Variants in ZBTB14 observed in about 807,000 individuals in gnomAD.
ZBTB14 encodes zinc finger and BTB domain containing 14, also known as zinc finger and BTB domain-containing protein 14.
In ZBTB14, 8 loss-of-function variants were observed where a neutral mutation model predicts 29.5. The ratio of observed to expected loss-of-function variants is 0.27; its 90% CI spans 0.16 to 0.49. ZBTB14 has a LOEUF of 0.49. Among genes scored for constraint, ZBTB14 ranks in the 20% least tolerant of loss-of-function variants. The probability of loss-of-function intolerance (pLI) is 0.99; values close to 1 mark genes in which losing one functional copy is unlikely to be tolerated. For missense variants in ZBTB14, 333 were observed against 563.8 expected, an observed-to-expected ratio of 0.59 and a Z score of 4.15; for synonymous variants, 226 against 207.2, an observed-to-expected ratio of 1.09 and a Z score of -0.78.
upstream of ZBTB14, among the ~76,000 whole-genome samples, chr18:5,296,383 T>C (rs1281291171): frequency 6.7e-6 from 1 of 150,032 alleles, no homozygotes; most frequent in Non-Finnish European, 1.5e-5. Flanking sequence ...CCCTGGTTCG[T>C]GGGCTTCCGC....
At position 5,295,185 on chromosome 18, in the gene ZBTB14, C is replaced by CCCGCG. The variant is rs559844076; in HGVS notation, c.-112+462_-112+466dup. On this transcript the variant is annotated intron_variant, in intron 1 of 3. Coordinates refer to ENST00000651870, the MANE Select transcript of ZBTB14 (RefSeq NM_001243702.2). ...GCGGGCGTGCGGCCGGCTCCGCAGC[C>CCCGCG]CCGCGCCGCGCCGCGCCCCGCTCCG... is the stretch of plus-strand genomic sequence containing the variant. Among the ~76,000 whole-genome samples, 1,020 of 144,792 alleles carry CCCGCG rather than the reference C, an allele frequency of 7.0e-3. 11 individuals carry two copies. Among genetic ancestry groups the CCCGCG allele is most frequent in the Middle Eastern group, 0.047 (13 of 276 alleles). 95.0% of individuals were successfully genotyped at this position (144,792 alleles called of 152,430 possible). A position where few individuals can be genotyped will look rare whatever the true frequency, so the allele number is the denominator to read the frequency against.
At chr18:5,294,582 C>T (rs924782824) in intron 1 of ZBTB14, among the ~76,000 whole-genome samples, 3 of 152,066 alleles carry the variant, frequency 2.0e-5, no homozygotes, top group Non-Finnish European at 4.4e-5. Context: ...CCCCGCCCCG[C>T]CCCCCTTGCC....
chr18:5,293,294 GA>G lies in ZBTB14; in HGVS notation c.-49del, dbSNP rs1567907986. 1 of 1,610,780 alleles carries G rather than the reference GA, an allele frequency of 6.2e-7. No individual in the cohort carries two copies. The highest frequency in any genetic ancestry group is 2.2e-5 in the East Asian group (1 of 44,852). On this transcript the variant is annotated 5_prime_UTR_variant, in exon 3 of 4. An upstream open reading frame in the 5' UTR gains an earlier in-frame stop. Coordinates refer to ENST00000651870, the MANE Select transcript of ZBTB14 (RefSeq NM_001243702.2). ...AATGCCTTGAACGCCAAAATCTTCA[GA>G]TCAGAGTAACTCTGATCAGGAGCAC... is the stretch of plus-strand genomic sequence containing the variant.
In ZBTB14 at chr18:5,290,779, T is replaced by C. The variant is rs1422576980; in HGVS notation, c.*79A>G. 2 of 1,538,306 alleles carry C rather than the reference T, an allele frequency of 1.3e-6. No individual in the cohort carries two copies. The highest frequency in any genetic ancestry group is 1.7e-6 in the Non-Finnish European group (2 of 1,144,130). On this transcript the variant is annotated 3_prime_UTR_variant, in exon 4 of 4. Coordinates refer to ENST00000651870, the MANE Select transcript of ZBTB14 (RefSeq NM_001243702.2). Reference sequence around the variant, plus strand: ...GTTCCATACGTTTCCACAAAAATATTGTAACTGGCATTCACTCATTATGAT... The same window carrying C: ...GTTCCATACGTTTCCACAAAAATATCGTAACTGGCATTCACTCATTATGAT...
chr18:5,296,465 C>G (rs888014946), upstream of ZBTB14, among the ~76,000 whole-genome samples: 1 of 150,214 alleles, frequency 6.7e-6, no homozygotes, highest in African/African-American at 2.4e-5. Flanking sequence ...GTGCGTGGGC[C>G]AGAGCCTCCC....
intron 3 of ZBTB14, 80 bp downstream of exon 3, chr18:5,293,164 A>G: frequency 2.1e-6 from 3 of 1,457,174 alleles, no homozygotes; most frequent in Non-Finnish European, 2.8e-6. Flanking sequence ...GTGTTCATGC[A>G]CAATCAGAAT....
chr18:5,293,358 T>C (rs1005067994), intron 2 of ZBTB14, 31 bp from the exon 3 acceptor site: 7 of 1,123,924 alleles, frequency 6.2e-6, no homozygotes, highest in Non-Finnish European at 7.7e-6. Context: ...AAGAATGAGG[T>C]AGGATCTTCC....
Position 5,291,661 on chromosome 18 carries a change from G to A in ZBTB14, c.547C>T (p.Pro183Ser). The A allele has an allele frequency of 1.9e-6, 3 of 1,614,066 alleles. No homozygotes were observed. The highest frequency in any genetic ancestry group is 1.7e-6 in the Non-Finnish European group (2 of 1,180,034). ...PSDDTVEGTPPSQEDGKSPTT... is the reference protein window; with the variant it reads ...PSDDTVEGTPSSQEDGKSPTT... ...GGCGACTTGCCGTCCTCCTGACTCGGGGGTGTGCCTTCTACTGTGTCATCA... is the reference window on the plus strand; with the variant it reads ...GGCGACTTGCCGTCCTCCTGACTCGAGGGTGTGCCTTCTACTGTGTCATCA... The change falls in exon 4 of 4, where the codon CCG (proline) becomes TCG (serine). Residue 183 changes from proline to serine, a missense_variant. Coordinates refer to ENST00000651870, the MANE Select transcript of ZBTB14 (RefSeq NM_001243702.2). The surrounding 1 kb of genome is among the most constrained non-coding windows in gnomAD (Gnocchi z 5.8).
chr18:5,293,096 T>C (rs546134915), intron 3 of ZBTB14, 148 bp downstream of exon 3: 16 of 939,560 alleles, frequency 1.7e-5, no homozygotes, highest in African/African-American at 1.2e-4. Context: ...CTATGTTTCC[T>C]TTTTAAAAAC....
upstream of ZBTB14, among the ~76,000 whole-genome samples, chr18:5,296,375 C>G (rs1174268076): frequency 2.0e-5 from 3 of 150,398 alleles, no homozygotes; most frequent in African/African-American, 4.8e-5. Context: ...CCCTCCCGCC[C>G]TGGTTCGTGG....
Position 5,290,872 on chromosome 18 carries a change from T to C in ZBTB14, c.1336A>G (p.Ile446Val). ...TCCCACCGCCTCTAGCTACAGGCTA[T>C]CGTCTCCAGCTGCTGTTCTGCTTCC... Reference protein sequence around the residue: ...AAEAEQQLETIACS With the variant: ...AAEAEQQLETVACS The change falls in exon 4 of 4, where the codon ATA becomes GTA. Residue 446 changes from isoleucine (I) to valine (V), a missense_variant. Ile to Val is a conservative substitution (Grantham distance 29, BLOSUM62 3). Coordinates refer to ENST00000651870, the MANE Select transcript of ZBTB14 (RefSeq NM_001243702.2). The C allele has an allele frequency of 6.2e-7, 1 of 1,614,062 alleles. No homozygotes were observed. The highest frequency in any genetic ancestry group is 2.2e-5 in the East Asian group (1 of 44,888).
intron 1 of ZBTB14, chr18:5,294,778 T>G (rs566858222): frequency 6.6e-6 from 1 of 152,156 alleles, no homozygotes; most frequent in Non-Finnish European, 1.5e-5. Context: ...GGAGCCGGGC[T>G]TCCCGCAAAG....
rs769890363 is a variant in ZBTB14, at chr18:5,289,790, G to A, written c.*1068C>T. 7 of 152,542 alleles carry A rather than the reference G, an allele frequency of 4.6e-5. No homozygotes were observed. The highest frequency in any genetic ancestry group is 8.8e-5 in the Non-Finnish European group (6 of 68,020). The allele number at this position is 152,542 out of a possible 1,614,324, so 9.4% of individuals were successfully genotyped here. A position where few individuals can be genotyped will look rare whatever the true frequency, so the allele number is the denominator to read the frequency against. ...GCTGTCTACTTTTTACTTGAAATAC[G>A]TAAGACCAACACTACTATTTACACA... On this transcript the variant is annotated 3_prime_UTR_variant, in exon 4 of 4. Coordinates refer to ENST00000651870, the MANE Select transcript of ZBTB14 (RefSeq NM_001243702.2).
chr18:5,290,112 G>A lies in ZBTB14; in HGVS notation c.*746C>T, dbSNP rs1263651528. ...TCCACTCACAAATCGCAGCTGGTAT[G>A]GACTGGTACTGCCCCAAATAAGAGG... On this transcript the variant is annotated 3_prime_UTR_variant, in exon 4 of 4. Transcript: ENST00000651870. 1 of 152,136 alleles carries A rather than the reference G, an allele frequency of 6.6e-6. No homozygotes were observed. The highest frequency in any genetic ancestry group is 1.9e-4 in the East Asian group (1 of 5,190). The allele number at this position is 152,136 out of a possible 1,614,324, so 9.4% of individuals were successfully genotyped here.
At chr18:5,296,400 C>CCGGCGCCGGCG (rs2143284590), upstream of ZBTB14, among the ~76,000 whole-genome samples, 1 of 150,132 alleles carries the variant, frequency 6.7e-6, no homozygotes, top group Non-Finnish European at 1.5e-5. Flanking sequence ...CCGCCCGCGC[C>CCGGCGCCGGCG]CGGCGCCGGC....
chr18:5,295,362 C>A (rs1288415848), intron 1 of ZBTB14, among the ~76,000 whole-genome samples: 1 of 144,788 alleles, frequency 6.9e-6, no homozygotes, highest in Non-Finnish European at 1.5e-5. Context: ...TGGGTCCCGG[C>A]CCCCTCCTCC....
chr18:5,293,080 C>T (rs878923957), intron 3 of ZBTB14, among the ~76,000 whole-genome samples, 164 bp downstream of exon 3: 1 of 152,180 alleles, frequency 6.6e-6, no homozygotes, highest in South Asian at 2.1e-4. Flanking sequence ...CATCTTAAAG[C>T]ATTCTCTATG....
chr18:5,289,511 A>T lies in ZBTB14; in HGVS notation c.*1347T>A, dbSNP rs546089043. Reference sequence around the variant, plus strand: ...TACTTTTTTACAGAACACAATTCAAACTATTGTTGGCATTTCAATATATTC... The same window carrying T: ...TACTTTTTTACAGAACACAATTCAATCTATTGTTGGCATTTCAATATATTC... On this transcript the variant is annotated 3_prime_UTR_variant, in exon 4 of 4. Coordinates refer to ENST00000651870, the MANE Select transcript of ZBTB14 (RefSeq NM_001243702.2). 6.6e-6 allele frequency: 1 copy of T among 152,346 alleles called. No individual in the cohort carries two copies. Among genetic ancestry groups the T allele is most frequent in the South Asian group, 2.1e-4 (1 of 4,830 alleles). The allele number at this position is 152,346 out of a possible 1,614,324, so 9.4% of individuals were successfully genotyped here.
In ZBTB14 at chr18:5,289,448, T is replaced by C. The variant is rs1220797463; in HGVS notation, c.*1410A>G. 2 of 152,232 alleles carry C rather than the reference T, an allele frequency of 1.3e-5. No homozygotes were observed. The highest frequency in any genetic ancestry group is 2.4e-5 in the African/African-American group (1 of 41,460). 9.4% of individuals were successfully genotyped at this position (152,232 alleles called of 1,614,324 possible). ...GAAAAATGAGTTTGAAAAATTGACA[T>C]TTTCTACAATTCTACATTTTGAAAA... is the stretch of plus-strand genomic sequence containing the variant. On this transcript the variant is annotated 3_prime_UTR_variant, in exon 4 of 4. Coordinates refer to ENST00000651870, the MANE Select transcript of ZBTB14 (RefSeq NM_001243702.2).
Sources: allele counts gnomAD v4.1 joint callset (sites outside exome capture counted in the v4.1 genomes callset), GRCh38; gene constraint gnomAD v4.1.1; non-coding constraint Gnocchi (gnomAD v3.1); transcripts MANE v1.5; gene names NCBI Gene and HGNC (gene_info 2026-07-23, HGNC 2026-07-21).